TRIML1: variants seen among roughly 807,000 people sequenced by gnomAD.
TRIML1 encodes the protein probable E3 ubiquitin-protein ligase TRIML1.
A neutral mutation model predicts 32.3 loss-of-function variants in TRIML1; 34 were observed. The observed-to-expected ratio is 1.05, with a 90% CI of 0.80 to 1.40. TRIML1 has a LOEUF of 1.40. Among genes scored for constraint, TRIML1 ranks in the 40% most tolerant of loss-of-function variants. TRIML1 has a pLI of 0.00. For synonymous variants in TRIML1, 244 were observed against 226.6 expected (o/e 1.08, Z -0.69); for missense variants, 595 against 574.9 (o/e 1.03, Z -0.36).
intron 5 of TRIML1, among the ~76,000 whole-genome samples, chr4:188,144,878 G>C (rs1041539320): frequency 1.3e-5 from 2 of 152,242 alleles, no homozygotes; most frequent in East Asian, 3.9e-4. Flanking sequence ...ACTGAGAGAC[G>C]TCAGGATTAG....
Position 188,143,864 on chromosome 4 carries a change from G to A in TRIML1, c.758+4G>A, listed in dbSNP as rs577087504. On this transcript the variant is annotated splice_donor_region_variant and intron_variant, in intron 4 of 5. Coordinates refer to ENST00000332517, the MANE Select transcript of TRIML1 (RefSeq NM_178556.5). ...AAGTGAGAGGAGCCCTGGAAAGGTA[G>A]GCTTTCATTCTGTGTTCAGTTATGC... The A allele has an allele frequency of 1.9e-5, 31 of 1,614,170 alleles. No homozygotes were observed. Among genetic ancestry groups the A allele is most frequent in the Non-Finnish European group, 2.4e-5 (28 of 1,180,028 alleles).
intron 5 of TRIML1, among the ~76,000 whole-genome samples, chr4:188,145,218 AC>A (rs1479906939): frequency 6.6e-6 from 1 of 151,824 alleles, no homozygotes; most frequent in East Asian, 1.9e-4. Context: ...CGGGCAGATC[AC>A]TTGGGGTCAG....
chr4:188,149,253 A>G (rs11722262), downstream of TRIML1, among the ~76,000 whole-genome samples: 119,857 of 151,798 alleles, frequency 0.79, 47,716 homozygotes, highest in Non-Finnish European at 0.84. Context: ...TTCCCTTGCT[A>G]GTACTGCAGA....
downstream of TRIML1, among the ~76,000 whole-genome samples, chr4:188,149,198 C>A (rs567212994): frequency 6.6e-6 from 1 of 151,786 alleles, no homozygotes; most frequent in Non-Finnish European, 1.5e-5. Context: ...GGATTCCAGG[C>A]GTGAGCCCCC....
chr4:188,140,641 T>C lies in TRIML1; in HGVS notation c.504+18T>C. 2 of 1,584,196 alleles carry C rather than the reference T, an allele frequency of 1.3e-6. No homozygotes were observed. Among genetic ancestry groups the C allele is most frequent in the Non-Finnish European group, 1.7e-6 (2 of 1,152,866 alleles). ...TGTGCCAGGTCGGTGTCTGTCTGAC[T>C]TTTGCTGCTTGTATATGACCCCATA... On this transcript the variant is annotated intron_variant, in intron 2 of 5. Coordinates refer to ENST00000332517, the MANE Select transcript of TRIML1 (RefSeq NM_178556.5).
intron 3 of TRIML1, chr4:188,143,630 C>G: frequency 3.0e-6 from 2 of 660,702 alleles, no homozygotes; most frequent in South Asian, 1.8e-5. Flanking sequence ...AAAGTATTCT[C>G]TAGTCATTGT....
downstream of TRIML1, among the ~76,000 whole-genome samples, chr4:188,149,497 G>A (rs533022332): frequency 7.2e-5 from 6 of 82,796 alleles, no homozygotes; most frequent in Admixed American, 9.7e-4. Flanking sequence ...AAAGAGGTCT[G>A]TGAAATAAAG....
intron 5 of TRIML1, among the ~76,000 whole-genome samples, chr4:188,146,538 T>G (rs1009762962): frequency 6.6e-6 from 1 of 151,942 alleles, no homozygotes; most frequent in Non-Finnish European, 1.5e-5. Context: ...GCCTCCTGAG[T>G]AGTTCGGATT....
At chr4:188,143,653 G>A (rs1430675679) in intron 3 of TRIML1, 185 bp from the exon 4 acceptor site, 1 of 701,490 alleles carries the variant, frequency 1.4e-6, no homozygotes, top group African/African-American at 1.8e-5. Context: ...GAAACACCTT[G>A]TGTTCACCAC....
chr4:188,138,256 GA>G (rs1196379759), upstream of TRIML1, among the ~76,000 whole-genome samples: 1 of 152,084 alleles, frequency 6.6e-6, no homozygotes. Flanking sequence ...TTCAAGATAA[GA>G]AAACATCCAA....
downstream of TRIML1, among the ~76,000 whole-genome samples, chr4:188,150,357 G>A (rs1039975570): frequency 1.3e-5 from 2 of 151,266 alleles, no homozygotes; most frequent in African/African-American, 4.9e-5. Flanking sequence ...TTGAATTCCT[G>A]ACCTCAAGTG....
intron 4 of TRIML1, 71 bp downstream of exon 4, chr4:188,143,931 G>A (rs1734957523): frequency 1.9e-6 from 3 of 1,609,574 alleles, no homozygotes; most frequent in Non-Finnish European, 2.6e-6. Context: ...TCTGAGTGGG[G>A]ATAGGAGGTC....
chr4:188,143,896 C>T (rs998910392), intron 4 of TRIML1, 36 bp downstream of exon 4: 11 of 1,613,852 alleles, frequency 6.8e-6, no homozygotes, highest in South Asian at 1.1e-5. Flanking sequence ...ATGCAAGCTG[C>T]GGGGCAGTGG....
In TRIML1 at chr4:188,140,399, G is replaced by A. The variant is rs992641125; in HGVS notation, c.409-129G>A. 9 of 693,668 alleles carry A rather than the reference G, an allele frequency of 1.3e-5. No individual in the cohort carries two copies. The African/African-American group carries it at 1.6e-4, about 12-fold the overall frequency. 43.0% of individuals were successfully genotyped at this position (693,668 alleles called of 1,614,324 possible). A position where few individuals can be genotyped will look rare whatever the true frequency, so the allele number is the denominator to read the frequency against. The stretch of plus-strand genomic sequence containing the variant: ...GGCCTCCCAAAGTGCTGGGATTACA[G>A]GCGTGAGGCGCCGCACCCAGCCTGC... On this transcript the variant is annotated intron_variant, in intron 1 of 5. Transcript: ENST00000332517.
chr4:188,138,381 G>T (rs192976022), upstream of TRIML1, among the ~76,000 whole-genome samples: 6 of 152,140 alleles, frequency 3.9e-5, no homozygotes, highest in Non-Finnish European at 7.3e-5. Flanking sequence ...TGCCAAGCTG[G>T]AGAGTGAGGG....
chr4:188,139,087 G>A (rs1734750204), upstream of TRIML1, among the ~76,000 whole-genome samples: 1 of 152,202 alleles, frequency 6.6e-6, no homozygotes, highest in South Asian at 2.1e-4. Context: ...TATTAGTGGA[G>A]TTCCCAAAAG....
chr4:188,139,455 G>A lies in TRIML1; in HGVS notation c.-104G>A, dbSNP rs1367973173. 1 of 1,154,850 alleles carries A rather than the reference G, an allele frequency of 8.7e-7. No individual in the cohort carries two copies. Among genetic ancestry groups the A allele is most frequent in the Non-Finnish European group, 1.2e-6 (1 of 815,586 alleles). The allele number at this position is 1,154,850 out of a possible 1,614,324, so 71.5% of individuals were successfully genotyped here. A position where few individuals can be genotyped will look rare whatever the true frequency, so the allele number is the denominator to read the frequency against. ...AAGGGTTTCTTGTCATAACAACATA[G>A]GAACAGGTCACCCGCGTGTTACTCA... is the stretch of plus-strand genomic sequence containing the variant. On this transcript the variant is annotated 5_prime_UTR_variant, in exon 1 of 6. Transcript: ENST00000332517.
chr4:188,144,164 G>C, intron 5 of TRIML1, 31 bp downstream of exon 5: 1 of 1,584,168 alleles, frequency 6.3e-7, no homozygotes, highest in South Asian at 1.1e-5. Flanking sequence ...ACCCCTCCGG[G>C]GCTCGAAGAA....
At position 188,144,506 on chromosome 4, in the gene TRIML1, G is replaced by A. The variant is rs183668451; in HGVS notation, c.856+373G>A. Among the ~76,000 whole-genome samples the A allele has an allele frequency of 3.5e-3, 511 of 144,212 alleles. 14 individuals are homozygous for A. The highest frequency in any genetic ancestry group is 0.012 in the African/African-American group (479 of 39,536). 94.6% of individuals were successfully genotyped at this position (144,212 alleles called of 152,430 possible). On this transcript the variant is annotated intron_variant, in intron 5 of 5. Transcript: ENST00000332517. ...GCCTCCCGAGTAGCTGGGACTACAG[G>A]CGCCCGCCACCACGCCTGGGTAATT... is the stretch of plus-strand genomic sequence containing the variant.
Sources: gnomAD v4.1 joint callset for allele counts (sites outside exome capture counted in the v4.1 genomes callset) on GRCh38, gnomAD v4.1.1 for gene constraint, MANE v1.5 for transcripts, NCBI Gene and HGNC (gene_info 2026-07-23, HGNC 2026-07-21) for gene names.